Variants in GPR139 observed in about 807,000 individuals in gnomAD.
GPR139 encodes the protein probable G protein-coupled receptor 139.
Under a neutral mutation model 25.8 loss-of-function variants are expected in GPR139, and 12 were observed. The ratio of observed to expected loss-of-function variants is 0.47; its 90% confidence interval spans 0.30 to 0.75. The LOEUF is 0.75. Among genes scored for constraint, GPR139 ranks in the 30% least tolerant of loss-of-function variants. The pLI is 0.07. For synonymous variants in GPR139, 184 were observed against 179.9 expected, an observed-to-expected ratio of 1.02 and a Z score of -0.18; for missense variants, 380 against 450.2, an observed-to-expected ratio of 0.84 and a Z score of 1.41.
intron 1 of GPR139, among the ~76,000 whole-genome samples, chr16:20,040,319 A>G (rs1189211514): frequency 6.6e-6 from 1 of 152,200 alleles, no homozygotes; most frequent in East Asian, 1.9e-4. Flanking sequence ...ATGCTGCAAT[A>G]GATAACCAGA....
At chr16:20,038,548 G>C (rs1019397536) in intron 1 of GPR139, among the ~76,000 whole-genome samples, 1 of 152,044 alleles carries the variant, frequency 6.6e-6, no homozygotes, top group African/African-American at 2.4e-5. Context: ...ATTCATATTT[G>C]ACATTTCCTT....
chr16:20,045,560 A>G (rs2057351463), intron 1 of GPR139, among the ~76,000 whole-genome samples: 1 of 152,156 alleles, frequency 6.6e-6, no homozygotes, highest in South Asian at 2.1e-4. Context: ...TTCTTTTGTA[A>G]CATATTATTA....
chr16:20,038,220 G>A (rs1190607770), intron 1 of GPR139, among the ~76,000 whole-genome samples: 1 of 151,746 alleles, frequency 6.6e-6, no homozygotes, highest in African/African-American at 2.4e-5. Context: ...TCACATCCCT[G>A]CTTCCCAAGG....
intron 1 of GPR139, among the ~76,000 whole-genome samples, chr16:20,033,053 C>T (rs1354183974): frequency 1.3e-5 from 2 of 151,832 alleles, no homozygotes; most frequent in African/African-American, 4.8e-5. Flanking sequence ...CTCACACAAC[C>T]GTGAGAGGCG....
intron 1 of GPR139, among the ~76,000 whole-genome samples, chr16:20,051,200 C>T (rs2057370838): frequency 6.6e-6 from 1 of 152,120 alleles, no homozygotes; most frequent in South Asian, 2.1e-4. Flanking sequence ...CTCAGTGAAA[C>T]TCTCAAATAG....
At chr16:20,034,907 G>A (rs986150422) in intron 1 of GPR139, among the ~76,000 whole-genome samples, 15 of 151,848 alleles carry the variant, frequency 9.9e-5, no homozygotes, top group Non-Finnish European at 1.9e-4. Flanking sequence ...CATTTAAATT[G>A]GTTCCAGGAT....
At chr16:20,049,219 G>C (rs575770430) in intron 1 of GPR139, among the ~76,000 whole-genome samples, 5 of 152,164 alleles carry the variant, frequency 3.3e-5, no homozygotes, top group Admixed American at 3.3e-4. Flanking sequence ...GTGATGGATG[G>C]ATGGATGAAC....
intron 1 of GPR139, among the ~76,000 whole-genome samples, chr16:20,065,671 G>A (rs1260027380): frequency 6.6e-6 from 1 of 152,062 alleles, no homozygotes; most frequent in African/African-American, 2.4e-5. Flanking sequence ...AGGAGTTTGC[G>A]AACTGCCTGG....
At position 20,031,750 on chromosome 16, in the gene GPR139, T is replaced by C; in HGVS notation, c.1047A>G (p.Ile349Met). 3 of 1,613,956 alleles carry C rather than the reference T, an allele frequency of 1.9e-6. No individual in the cohort carries two copies. Among genetic ancestry groups the C allele is most frequent in the Non-Finnish European group, 8.5e-7 (1 of 1,179,840 alleles). ...VYQYDKNGKP[I>M]KVSP ...ACCTATGGAATCACGGGGATACTTT[T>C]ATAGGTTTTCCATTTTTGTCATACT... Residue 349 changes from isoleucine (I) to methionine (M), a missense_variant, in exon 2 of 2, where the codon ATA becomes ATG. By Grantham distance (10) the Ile-to-Met change is conservative. Coordinates refer to ENST00000570682, the MANE Select transcript of GPR139 (RefSeq NM_001002911.4).
rs1252825563 is a variant in GPR139 at position 20,031,890 on chromosome 16, A to G, written c.907T>C (p.Phe303Leu). The change falls in exon 2 of 2, where the codon TTC becomes CTC. Residue 303 changes from phenylalanine (F) to leucine (L), a missense_variant. Physicochemically the swap from Phe to Leu is conservative, Grantham distance 22 (BLOSUM62 0). Coordinates refer to ENST00000570682, the MANE Select transcript of GPR139 (RefSeq NM_001002911.4). ...ACAGGTTGCTTCTGGCACTTGAAGA[A>G]AGCCTTGAGCGTGGCGGCTGCCATG... is the stretch of plus-strand genomic sequence containing the variant. ...RTMAAATLKA[F>L]FKCQKQPVQF... 1.2e-6 allele frequency: 2 copies of G among 1,614,230 alleles called. No homozygotes were observed. Among genetic ancestry groups the G allele is most frequent in the Non-Finnish European group, 1.7e-6 (2 of 1,180,050 alleles).
At chr16:20,059,932 A>G (rs1287029416) in intron 1 of GPR139, among the ~76,000 whole-genome samples, 1 of 152,126 alleles carries the variant, frequency 6.6e-6, no homozygotes, top group African/African-American at 2.4e-5. Context: ...GGTGTTCTGG[A>G]AGGGTCGTGG....
At chr16:20,050,610 C>T (rs1370551643) in intron 1 of GPR139, among the ~76,000 whole-genome samples, 2 of 152,178 alleles carry the variant, frequency 1.3e-5, no homozygotes, top group African/African-American at 4.8e-5. Context: ...CTCACCCTCA[C>T]CCAAGAGAGA....
intron 1 of GPR139, among the ~76,000 whole-genome samples, chr16:20,049,861 C>T (rs2057366212): frequency 6.6e-6 from 1 of 152,212 alleles, no homozygotes; most frequent in Admixed American, 6.5e-5. Context: ...TAGAAGAGCA[C>T]CTGGCACATG....
intron 1 of GPR139, among the ~76,000 whole-genome samples, chr16:20,070,535 G>A (rs1321904982): frequency 2.6e-5 from 4 of 152,204 alleles, no homozygotes; most frequent in African/African-American, 9.6e-5. Flanking sequence ...AAATTAGACT[G>A]TCTGGGGCAA....
At chr16:20,044,274 GAA>G (rs1307657139) in intron 1 of GPR139, among the ~76,000 whole-genome samples, 1 of 152,174 alleles carries the variant, frequency 6.6e-6, no homozygotes, top group East Asian at 1.9e-4. Flanking sequence ...ACTAGCTCAA[GAA>G]AAGACCCTAT....
At chr16:20,072,044 G>A (rs1403818865) in intron 1 of GPR139, among the ~76,000 whole-genome samples, 1 of 152,172 alleles carries the variant, frequency 6.6e-6, no homozygotes, top group African/African-American at 2.4e-5. Context: ...AGTGCTCTGG[G>A]GAGAGAAGCT....
intron 1 of GPR139, among the ~76,000 whole-genome samples, chr16:20,065,291 C>G (rs750917755): frequency 9.2e-5 from 14 of 152,146 alleles, no homozygotes; most frequent in Non-Finnish European, 1.9e-4. Flanking sequence ...ATTTTTTGAA[C>G]AACTTGGCAA....
intron 1 of GPR139, among the ~76,000 whole-genome samples, chr16:20,063,994 A>G (rs2057422958): frequency 6.6e-6 from 1 of 152,242 alleles, no homozygotes; most frequent in South Asian, 2.1e-4. Flanking sequence ...CCTGCTTCAC[A>G]TGGTGGCAGG....
At chr16:20,059,775 C>A (rs1347503421) in intron 1 of GPR139, among the ~76,000 whole-genome samples, 1 of 152,164 alleles carries the variant, frequency 6.6e-6, no homozygotes, top group Non-Finnish European at 1.5e-5. Context: ...ACCCTCATTC[C>A]CAGATGAGGA....
Sources: gnomAD v4.1 joint callset for allele counts (sites outside exome capture counted in the v4.1 genomes callset) on GRCh38, gnomAD v4.1.1 for gene constraint, MANE v1.5 for transcripts, NCBI Gene and HGNC (gene_info 2026-07-23, HGNC 2026-07-21) for gene names.